SLC35F4: variants seen among roughly 807,000 people sequenced by gnomAD.
SLC35F4 encodes solute carrier family 35 member F4.
Under a neutral mutation model 44.2 loss-of-function variants are expected in SLC35F4, and 24 were observed. That is an observed-to-expected ratio of 0.54 (90% CI 0.39 to 0.76). The LOEUF (loss-of-function observed/expected upper bound fraction) is 0.76. Among genes scored for constraint, SLC35F4 ranks in the 30% least tolerant of loss-of-function variants. SLC35F4 has a pLI of 0.00. For synonymous variants in SLC35F4, 238 were observed against 223.6 expected, an observed-to-expected ratio of 1.06 and a Z score of -0.57; for missense variants, 562 against 586.1, an observed-to-expected ratio of 0.96 and a Z score of 0.42.
chr14:57,799,943 G>C (rs1314286202), intron 1 of SLC35F4, among the ~76,000 whole-genome samples: 2 of 152,148 alleles, frequency 1.3e-5, no homozygotes, highest in East Asian at 1.9e-4. Context: ...GCCAGCTGTG[G>C]AGAATACAAA....
chr14:57,785,393 TA>T (rs1270091144), intron 1 of SLC35F4, among the ~76,000 whole-genome samples: 1 of 152,178 alleles, frequency 6.6e-6, no homozygotes, highest in Non-Finnish European at 1.5e-5. Context: ...GAGACAGTAG[TA>T]CATAAATTAC....
At chr14:57,877,600 A>G (rs1222731962) in intron 1 of SLC35F4, among the ~76,000 whole-genome samples, 1 of 151,484 alleles carries the variant, frequency 6.6e-6, no homozygotes. Context: ...TGGCTTAACT[A>G]ATTTACATTC....
intron 1 of SLC35F4, among the ~76,000 whole-genome samples, chr14:57,756,547 A>G (rs906165674): frequency 8.6e-5 from 13 of 151,834 alleles, no homozygotes; most frequent in Non-Finnish European, 8.8e-5. Context: ...TTTTGTATAT[A>G]TAAATGTTAT....
chr14:57,584,213 T>C (rs173215), intron 3 of SLC35F4, among the ~76,000 whole-genome samples: 94,265 of 151,958 alleles, frequency 0.62, 29,749 homozygotes, highest in East Asian at 0.87. Context: ...TTGAATTCTC[T>C]TGTAGTATAT....
intron 1 of SLC35F4, among the ~76,000 whole-genome samples, chr14:57,846,041 T>A (rs1011171281): frequency 8.5e-5 from 13 of 152,214 alleles, no homozygotes; most frequent in African/African-American, 2.9e-4. Flanking sequence ...AATTAACATC[T>A]GGAATGGCCT....
intron 1 of SLC35F4, among the ~76,000 whole-genome samples, chr14:57,962,057 C>T (rs754247523): frequency 7.5e-4 from 114 of 152,212 alleles, no homozygotes; most frequent in Non-Finnish European, 1.1e-3. Context: ...AATGATTTTA[C>T]AGGACTTGCT....
At chr14:57,959,723 C>T (rs541317211) in intron 1 of SLC35F4, among the ~76,000 whole-genome samples, 2 of 152,014 alleles carry the variant, frequency 1.3e-5, no homozygotes, top group Non-Finnish European at 1.5e-5. Flanking sequence ...TATCTGAAAA[C>T]GAGGATGGTA....
At chr14:57,720,231 T>C (rs1384237598) in intron 1 of SLC35F4, among the ~76,000 whole-genome samples, 1 of 152,178 alleles carries the variant, frequency 6.6e-6, no homozygotes, top group East Asian at 1.9e-4. Context: ...GAATTTGGTT[T>C]GCTAGTTTTT....
chr14:57,865,506 A>G (rs1888080569), intron 1 of SLC35F4, among the ~76,000 whole-genome samples: 1 of 152,072 alleles, frequency 6.6e-6, no homozygotes, highest in Non-Finnish European at 1.5e-5. Context: ...TCCTGGGCGC[A>G]CCCAGCCGGG....
At chr14:57,734,649 A>G (rs1465786630) in intron 1 of SLC35F4, among the ~76,000 whole-genome samples, 1 of 152,204 alleles carries the variant, frequency 6.6e-6, no homozygotes, top group East Asian at 1.9e-4. Context: ...TATATACTGA[A>G]TCAATGTTTT....
At chr14:57,735,486 G>A (rs368430529) in intron 1 of SLC35F4, among the ~76,000 whole-genome samples, 2 of 152,262 alleles carry the variant, frequency 1.3e-5, no homozygotes, top group African/African-American at 4.8e-5. Context: ...CTGATGTCTA[G>A]CAGTTGATGC....
intron 1 of SLC35F4, among the ~76,000 whole-genome samples, chr14:57,742,751 C>A (rs895361027): frequency 6.6e-6 from 1 of 152,144 alleles, no homozygotes; most frequent in African/African-American, 2.4e-5. Context: ...ACTCTCCACC[C>A]CAAATCAACA....
chr14:57,739,165 C>T (rs1015389368), intron 1 of SLC35F4, among the ~76,000 whole-genome samples: 1 of 152,002 alleles, frequency 6.6e-6, no homozygotes, highest in East Asian at 1.9e-4. Context: ...AGTCTTGGGA[C>T]AGAGAGTCCT....
At chr14:57,921,022 TCTC>T (rs1889430361) in intron 1 of SLC35F4, among the ~76,000 whole-genome samples, 1 of 152,238 alleles carries the variant, frequency 6.6e-6, no homozygotes, top group South Asian at 2.1e-4. Context: ...GTTAATGTGT[TCTC>T]CTATTATTTT....
intron 6 of SLC35F4, 39 bp from the exon 7 acceptor site, chr14:57,566,603 T>C (rs374083606): frequency 2.6e-6 from 4 of 1,540,610 alleles, no homozygotes; most frequent in Non-Finnish European, 3.5e-6. Context: ...GAAAGAGAAA[T>C]AATACGCTGG....
intron 1 of SLC35F4, among the ~76,000 whole-genome samples, chr14:57,748,461 G>T (rs2140548191): frequency 6.6e-6 from 1 of 152,108 alleles, no homozygotes; most frequent in East Asian, 1.9e-4. Context: ...GGAACCACCT[G>T]CATCAGAATC....
chr14:57,726,858 C>T (rs1489713739), intron 1 of SLC35F4, among the ~76,000 whole-genome samples: 1 of 152,132 alleles, frequency 6.6e-6, no homozygotes, highest in East Asian at 1.9e-4. Flanking sequence ...AAGGCAGGCC[C>T]ACCCTTAATT....
chr14:57,739,537 CTCT>C (rs1038374751), intron 1 of SLC35F4, among the ~76,000 whole-genome samples: 2 of 152,128 alleles, frequency 1.3e-5, no homozygotes, highest in Non-Finnish European at 2.9e-5. Flanking sequence ...CTTCCTCTTC[CTCT>C]TCTTCTTTTA....
chr14:57,894,308 AAAAG>A (rs1416121511), intron 1 of SLC35F4, among the ~76,000 whole-genome samples: 2 of 152,108 alleles, frequency 1.3e-5, no homozygotes, highest in Non-Finnish European at 2.9e-5. Flanking sequence ...AAAATAGCTC[AAAAG>A]AAAGAATGAA....
Sources: allele counts gnomAD v4.1 joint callset (sites outside exome capture counted in the v4.1 genomes callset), GRCh38; gene constraint gnomAD v4.1.1; transcripts MANE v1.5; gene names NCBI Gene and HGNC (gene_info 2026-07-23, HGNC 2026-07-21).